The following BNC2 variants were observed in gnomAD, a reference collection of about 807,000 sequenced individuals.
BNC2 encodes basonuclin zinc finger protein 2, also known as zinc finger protein basonuclin-2.
BNC2 carries 20 observed loss-of-function variants against 76.3 expected under a neutral mutation model. That is an observed-to-expected ratio of 0.26 (90% CI 0.18 to 0.38). The LOEUF is 0.38. Among genes scored for constraint, BNC2 ranks in the 10% least tolerant of loss-of-function variants. BNC2 has a pLI of 1.00. For missense variants in BNC2, 1,382 were observed against 1,399.8 expected, an observed-to-expected ratio of 0.99 and a Z score of 0.20; for synonymous variants, 582 against 514.8, an observed-to-expected ratio of 1.13 and a Z score of -1.77.
At chr9:16,800,271 T>C (rs1817749456) in intron 1 of BNC2, among the ~76,000 whole-genome samples, 1 of 150,950 alleles carries the variant, frequency 6.6e-6, no homozygotes, top group Admixed American at 6.6e-5. Flanking sequence ...TGGCATGGGA[T>C]GGCAGGTGGA....
chr9:16,704,759 C>T (rs1823615149), intron 3 of BNC2: 4 of 150,306 alleles, frequency 2.7e-5, no homozygotes, highest in African/African-American at 9.8e-5. Context: ...GTACCATGAG[C>T]TGCAGCGGCC....
intron 3 of BNC2, among the ~76,000 whole-genome samples, chr9:16,586,184 T>C (rs905548604): frequency 4.6e-5 from 7 of 151,884 alleles, no homozygotes; most frequent in Admixed American, 1.3e-4. Context: ...CAGAAGAGGG[T>C]TGGAGGCTCT....
At chr9:16,756,963 C>A (rs1825401856) in intron 1 of BNC2, among the ~76,000 whole-genome samples, 1 of 150,312 alleles carries the variant, frequency 6.7e-6, no homozygotes, top group African/African-American at 2.5e-5. Context: ...TGCACTCCAG[C>A]CTGGGCAACA....
intron 1 of BNC2, among the ~76,000 whole-genome samples, chr9:16,845,972 A>T (rs1288780371): frequency 1.3e-5 from 2 of 151,740 alleles, no homozygotes; most frequent in African/African-American, 4.8e-5. Flanking sequence ...ACACGGTGAA[A>T]CCCCGTCTCT....
intron 1 of BNC2, among the ~76,000 whole-genome samples, chr9:16,833,369 T>G (rs1394877243): frequency 6.6e-6 from 1 of 152,158 alleles, no homozygotes; most frequent in Non-Finnish European, 1.5e-5. Context: ...CCACTTTGAG[T>G]CTGAACTCCA....
At chr9:16,596,380 AT>A (rs1249979069) in intron 3 of BNC2, among the ~76,000 whole-genome samples, 16 of 152,148 alleles carry the variant, frequency 1.1e-4, no homozygotes, top group African/African-American at 3.4e-4. Context: ...ACTAAAATAC[AT>A]ACACATATAC....
intron 1 of BNC2, among the ~76,000 whole-genome samples, chr9:16,799,805 C>T (rs78362622): frequency 0.018 from 2,672 of 152,216 alleles, 38 homozygotes; most frequent in East Asian, 0.051. Flanking sequence ...TGAATATAAG[C>T]GGTAACCTTG....
At chr9:16,441,663 T>C (rs1319724846) in intron 5 of BNC2, among the ~76,000 whole-genome samples, 2 of 152,210 alleles carry the variant, frequency 1.3e-5, no homozygotes, top group Non-Finnish European at 1.5e-5. Flanking sequence ...GGATGGCTCT[T>C]TTCTTTTTTT....
chr9:16,841,572 A>G (rs903731586), intron 1 of BNC2, among the ~76,000 whole-genome samples: 2 of 152,230 alleles, frequency 1.3e-5, no homozygotes, highest in Non-Finnish European at 2.9e-5. Flanking sequence ...GGGTCATTTA[A>G]GTTAACAATG....
intron 5 of BNC2, among the ~76,000 whole-genome samples, chr9:16,530,801 C>G (rs753000153): frequency 6.6e-6 from 1 of 152,178 alleles, no homozygotes. Context: ...GTTGCTCTGA[C>G]GCACGGCCAG....
At chr9:16,553,942 A>C (rs1458978767) in intron 4 of BNC2, among the ~76,000 whole-genome samples, 1 of 152,200 alleles carries the variant, frequency 6.6e-6, no homozygotes, top group Non-Finnish European at 1.5e-5. Flanking sequence ...AGGCATTCAA[A>C]ACTGTCAGAA....
intron 1 of BNC2, among the ~76,000 whole-genome samples, chr9:16,792,813 A>C (rs1024197742): frequency 1.3e-5 from 2 of 152,254 alleles, no homozygotes; most frequent in Admixed American, 1.3e-4. Context: ...GAAAGTTAAT[A>C]ACATTGTTTG....
intron 3 of BNC2, among the ~76,000 whole-genome samples, chr9:16,706,528 C>A (rs1420357395): frequency 6.6e-6 from 1 of 152,120 alleles, no homozygotes; most frequent in Non-Finnish European, 1.5e-5. Flanking sequence ...TAAGAGAATA[C>A]CCTAAAATAC....
At chr9:16,462,635 A>C (rs1229999334) in intron 5 of BNC2, among the ~76,000 whole-genome samples, 1 of 152,210 alleles carries the variant, frequency 6.6e-6, no homozygotes, top group East Asian at 1.9e-4. Flanking sequence ...TACTTTATCA[A>C]GTTTCTTCCA....
At chr9:16,669,777 A>T (rs2134164668) in intron 3 of BNC2, among the ~76,000 whole-genome samples, 1 of 152,332 alleles carries the variant, frequency 6.6e-6, no homozygotes, top group East Asian at 1.9e-4. Flanking sequence ...ACAACCAGAA[A>T]GAAATCAGAT....
chr9:16,457,229 T>C (rs117445766), intron 5 of BNC2, among the ~76,000 whole-genome samples: 1,764 of 152,284 alleles, frequency 0.012, 24 homozygotes, highest in Non-Finnish European at 0.015. Flanking sequence ...GGGGTGTCAA[T>C]AGAAAAAATT....
rs1040549099 is a variant in BNC2, at chr9:16,415,468, A to T, written c.*3521T>A. 1 of 152,662 alleles carries T rather than the reference A, an allele frequency of 6.6e-6. No homozygotes were observed. The highest frequency in any genetic ancestry group is 6.5e-5 in the Admixed American group (1 of 15,284). 9.5% of individuals were successfully genotyped at this position (152,662 alleles called of 1,614,324 possible). A position where few individuals can be genotyped will look rare whatever the true frequency, so the allele number is the denominator to read the frequency against. ...ACATGGGGAAAAGCTTGTCGGATGA[A>T]CATCTACATCACTATTAATTTTCAG... On this transcript the variant is annotated 3_prime_UTR_variant, in exon 7 of 7. Coordinates refer to ENST00000380672, the MANE Select transcript of BNC2 (RefSeq NM_017637.6).
intron 3 of BNC2, among the ~76,000 whole-genome samples, chr9:16,711,517 G>A (rs184595829): frequency 6.6e-6 from 1 of 152,334 alleles, no homozygotes; most frequent in East Asian, 1.9e-4. Flanking sequence ...CTCTAAACTA[G>A]AGAAAGTCCT....
At chr9:16,622,823 A>G (rs532635963) in intron 3 of BNC2, among the ~76,000 whole-genome samples, 5 of 152,280 alleles carry the variant, frequency 3.3e-5, no homozygotes, top group East Asian at 1.9e-4. Context: ...AGGGAAACGC[A>G]TGTAAAGAAC....
Sources: allele counts gnomAD v4.1 joint callset (sites outside exome capture counted in the v4.1 genomes callset), GRCh38; gene constraint gnomAD v4.1.1; transcripts MANE v1.5; gene names NCBI Gene and HGNC (gene_info 2026-07-23, HGNC 2026-07-21).